HRH4: variants seen among roughly 807,000 people sequenced by gnomAD.
HRH4 encodes the protein histamine H4 receptor.
A neutral mutation model predicts 10.4 loss-of-function variants in HRH4; 12 were observed. The ratio of observed to expected loss-of-function variants is 1.15; its 90% CI spans 0.74 to 1.87. The LOEUF is 1.87. HRH4 is among the 40% of genes most tolerant of loss of function. The pLI is 0.00. For synonymous variants in HRH4, 154 were observed against 166.6 expected (o/e 0.92, Z 0.58); for missense variants, 415 against 453.3 (o/e 0.92, Z 0.77).
At chr18:24,473,931 A>G (rs1252798395) in intron 2 of HRH4, among the ~76,000 whole-genome samples, 2 of 151,352 alleles carry the variant, frequency 1.3e-5, no homozygotes, top group African/African-American at 4.9e-5. Flanking sequence ...GGCAAGAGCT[A>G]GGCCGCTGCG....
In HRH4 at chr18:24,469,004, A is replaced by T. The variant is rs954750676; in HGVS notation, c.357+53A>T. On this transcript the variant is annotated intron_variant, in intron 2 of 2. Transcript: ENST00000256906. The stretch of plus-strand genomic sequence containing the variant: ...TTAGAAGATTATGTAAATGTATATG[A>T]TGGGTCCTCAAGCAAAAATTCTTTT... The T allele has an allele frequency of 1.5e-5, 22 of 1,421,262 alleles. No homozygotes were observed. The African/African-American group carries it at 3.2e-4, about 21-fold the overall frequency. 88.0% of individuals were successfully genotyped at this position (1,421,262 alleles called of 1,614,324 possible). A position where few individuals can be genotyped will look rare whatever the true frequency, so the allele number is the denominator to read the frequency against.
At chr18:24,476,683 A>T in intron 2 of HRH4, 64 bp from the exon 3 acceptor site, 1 of 1,217,630 alleles carries the variant, frequency 8.2e-7, no homozygotes, top group East Asian at 2.3e-5. Context: ...CTAAGGATCT[A>T]TGAGATACTT....
At chr18:24,472,833 A>G (rs1468905343) in intron 2 of HRH4, among the ~76,000 whole-genome samples, 1 of 152,140 alleles carries the variant, frequency 6.6e-6, no homozygotes, top group Non-Finnish European at 1.5e-5. Flanking sequence ...GCAGGGCTTC[A>G]TGGTAGCTGG....
At position 24,476,877 on chromosome 18, in the gene HRH4, A is replaced by T; in HGVS notation, c.488A>T (p.Glu163Val). The part of the protein sequence containing the change: ...VSESWKDEGS[E>V]CEPGFFSEWY... Reference sequence around the variant, plus strand: ...GAGTCTTGGAAGGATGAAGGTAGTGAATGTGAACCTGGATTTTTTTCGGAA... The same window carrying T: ...GAGTCTTGGAAGGATGAAGGTAGTGTATGTGAACCTGGATTTTTTTCGGAA... The change falls in exon 3 of 3, where the codon GAA becomes GTA. Residue 163 changes from glutamate (E) to valine (V), a missense_variant. By Grantham distance (121) the Glu-to-Val change is moderately radical. Transcript: ENST00000256906. The T allele has an allele frequency of 6.2e-7, 1 of 1,614,216 alleles. No individual in the cohort carries two copies. Among genetic ancestry groups the T allele is most frequent in the South Asian group, 1.1e-5 (1 of 91,092 alleles).
intron 1 of HRH4, among the ~76,000 whole-genome samples, chr18:24,463,896 A>G (rs1010127675): frequency 6.6e-6 from 1 of 152,210 alleles, no homozygotes; most frequent in African/African-American, 2.4e-5. Context: ...ATCAATATCA[A>G]TAAAAGTGTT....
intron 2 of HRH4, among the ~76,000 whole-genome samples, chr18:24,475,969 T>C (rs509242): frequency 6.6e-6 from 1 of 152,080 alleles, no homozygotes; most frequent in Admixed American, 6.6e-5. Flanking sequence ...GATTGCGCCA[T>C]TGCACTCCAG....
chr18:24,468,976 C>T (rs1464837106), intron 2 of HRH4, 25 bp downstream of exon 2: 8 of 1,545,458 alleles, frequency 5.2e-6, no homozygotes, highest in East Asian at 2.4e-5. Flanking sequence ...TAATTTATCC[C>T]CCTTAGAAGA....
intron 1 of HRH4, among the ~76,000 whole-genome samples, chr18:24,462,111 T>C (rs934141722): frequency 3.3e-5 from 5 of 152,156 alleles, no homozygotes; most frequent in African/African-American, 9.7e-5. Flanking sequence ...TAGTCAGAGA[T>C]AGGGCGAAGG....
At chr18:24,471,629 A>G (rs1443803217) in intron 2 of HRH4, among the ~76,000 whole-genome samples, 2 of 150,536 alleles carry the variant, frequency 1.3e-5, no homozygotes, top group African/African-American at 2.4e-5. Flanking sequence ...AAAAAAAAAA[A>G]AAAAGAAATG....
In HRH4 at chr18:24,477,235, A is replaced by G; in HGVS notation, c.846A>G (p.Ser282=). The G allele has an allele frequency of 6.2e-7, 1 of 1,614,206 alleles. No individual in the cohort carries two copies. The highest frequency in any genetic ancestry group is 1.1e-5 in the South Asian group (1 of 91,084). Residue 282 remains serine (S), a synonymous_variant, in exon 3 of 3, where the codon TCA becomes TCG. Transcript: ENST00000256906. ...IASKMGSFSQ[S]DSVALHQREH... is the part of the protein sequence containing the mutation. Reference sequence around the variant, plus strand: ...CCAAAATGGGTTCCTTCTCCCAATCAGATTCTGTAGCTCTTCACCAAAGGG... The same window carrying G: ...CCAAAATGGGTTCCTTCTCCCAATCGGATTCTGTAGCTCTTCACCAAAGGG...
chr18:24,463,356 C>G (rs775428018), intron 1 of HRH4, among the ~76,000 whole-genome samples: 26 of 152,230 alleles, frequency 1.7e-4, no homozygotes, highest in Non-Finnish European at 3.2e-4. Flanking sequence ...CCCCTGCCTC[C>G]TGCCAGCTTC....
intron 1 of HRH4, among the ~76,000 whole-genome samples, chr18:24,462,228 G>A (rs1005028331): frequency 6.6e-6 from 1 of 152,118 alleles, no homozygotes; most frequent in Non-Finnish European, 1.5e-5. Flanking sequence ...ATAGGTGCAG[G>A]GGAGCCGTAG....
At chr18:24,471,606 C>CAAAAAAAAAAA (rs60730879) in intron 2 of HRH4, among the ~76,000 whole-genome samples, 25 of 51,396 alleles carry the variant, frequency 4.9e-4, no homozygotes, top group African/African-American at 1.8e-3. Flanking sequence ...GACTCCATCT[C>CAAAAAAAAAAA]AAAAAAAAAA....
Position 24,476,747 on chromosome 18 carries a change from G to T in HRH4, c.358G>T (p.Val120Leu), listed in dbSNP as rs764865289. Residue 120 changes from valine (V) to leucine (L), a missense_variant and splice_region_variant, in exon 3 of 3, where the codon GTG becomes TTG. Transcript: ENST00000256906. ...TTGAAAATAATTTGGTTTCTTCTAG[G>T]TGTCTTATAGAACTCAACATACTGG... ...YDRYLSVSNAVSYRTQHTGVL... is the reference protein window; with the variant it reads ...YDRYLSVSNALSYRTQHTGVL... The T allele has an allele frequency of 6.2e-7, 1 of 1,607,414 alleles. No homozygotes were observed. The highest frequency in any genetic ancestry group is 8.5e-7 in the Non-Finnish European group (1 of 1,175,698).
chr18:24,477,418 A>G lies in HRH4; in HGVS notation c.1029A>G (p.Ala343=). 1.9e-6 allele frequency: 3 copies of G among 1,614,144 alleles called. No individual in the cohort carries two copies. Among genetic ancestry groups the G allele is most frequent in the Non-Finnish European group, 2.5e-6 (3 of 1,180,010 alleles). The change falls in exon 3 of 3, where the codon GCA becomes GCG. Residue 343 remains alanine (A), a synonymous_variant. Coordinates refer to ENST00000256906, the MANE Select transcript of HRH4 (RefSeq NM_021624.4). ...TGPKSVWYRI[A]FWLQWFNSFV... is the part of the protein sequence containing the mutation. ...CTAAATCAGTTTGGTATAGAATTGC[A>G]TTTTGGCTTCAGTGGTTCAATTCCT...
intron 2 of HRH4, among the ~76,000 whole-genome samples, chr18:24,475,935 G>A (rs1910120927): frequency 1.3e-5 from 2 of 152,280 alleles, no homozygotes; most frequent in African/African-American, 4.8e-5. Context: ...TTGAACGTGG[G>A]AAGCGGTGGT....
chr18:24,464,943 T>C (rs1909735185), intron 1 of HRH4, among the ~76,000 whole-genome samples: 1 of 152,008 alleles, frequency 6.6e-6, no homozygotes, highest in Non-Finnish European at 1.5e-5. Flanking sequence ...GGGAGTGTGC[T>C]GGGAGTGGGG....
chr18:24,476,362 A>G (rs1910130735), intron 2 of HRH4, among the ~76,000 whole-genome samples: 1 of 152,220 alleles, frequency 6.6e-6, no homozygotes, highest in Admixed American at 6.5e-5. Flanking sequence ...ATTCTATTTC[A>G]TTAAAAAGAT....
At chr18:24,462,477 G>T (rs775516276) in intron 1 of HRH4, among the ~76,000 whole-genome samples, 3 of 152,172 alleles carry the variant, frequency 2.0e-5, no homozygotes, top group Admixed American at 6.5e-5. Context: ...ATGCAGTTAG[G>T]ACCTGAGCTA....
Sources: allele counts gnomAD v4.1 joint callset (sites outside exome capture counted in the v4.1 genomes callset), GRCh38; gene constraint gnomAD v4.1.1; transcripts MANE v1.5; gene names NCBI Gene and HGNC (gene_info 2026-07-23, HGNC 2026-07-21).